GPC6: variants seen among roughly 807,000 people sequenced by gnomAD.
GPC6 encodes glypican 6.
In GPC6, 14 loss-of-function variants were observed where a neutral mutation model predicts 55.2. The ratio of observed to expected loss-of-function variants is 0.25; its 90% CI spans 0.17 to 0.40. GPC6 has a LOEUF of 0.40. GPC6 is among the 10% of genes least tolerant of loss of function. The pLI, the probability that GPC6 is intolerant of heterozygous loss-of-function variation, is 1.00. For missense variants in GPC6, 641 were observed against 708.5 expected, an observed-to-expected ratio of 0.90 and a Z score of 1.08; for synonymous variants, 278 against 259.6, an observed-to-expected ratio of 1.07 and a Z score of -0.68.
intron 3 of GPC6, among the ~76,000 whole-genome samples, chr13:93,931,238 A>G (rs746538079): frequency 1.3e-5 from 2 of 152,034 alleles, no homozygotes; most frequent in Non-Finnish European, 2.9e-5. Flanking sequence ...ATTTGCAGTG[A>G]AGGTGGGAGA....
At chr13:94,178,857 A>G (rs192373943) in intron 4 of GPC6, among the ~76,000 whole-genome samples, 15 of 152,288 alleles carry the variant, frequency 9.8e-5, no homozygotes, top group African/African-American at 3.6e-4. Flanking sequence ...ATGAATCTAA[A>G]CGGTTGGATG....
chr13:93,348,744 A>G (rs906131983), intron 1 of GPC6, among the ~76,000 whole-genome samples: 1 of 152,214 alleles, frequency 6.6e-6, no homozygotes, highest in Non-Finnish European at 1.5e-5. Context: ...GTTGGATAAA[A>G]CATTCTGTCA....
At chr13:93,968,002 A>G (rs1192905226) in intron 3 of GPC6, among the ~76,000 whole-genome samples, 2 of 152,170 alleles carry the variant, frequency 1.3e-5, no homozygotes, top group Admixed American at 1.3e-4. Context: ...CTTTCTAGAA[A>G]TGCTTATGAA....
chr13:93,346,236 A>G (rs971378686), intron 1 of GPC6, among the ~76,000 whole-genome samples: 3 of 152,184 alleles, frequency 2.0e-5, no homozygotes, highest in African/African-American at 7.2e-5. Flanking sequence ...ATGTCCATTT[A>G]CATTCATGCA....
chr13:94,194,637 C>T (rs1889506495), intron 4 of GPC6, among the ~76,000 whole-genome samples: 1 of 152,082 alleles, frequency 6.6e-6, no homozygotes, highest in Non-Finnish European at 1.5e-5. Context: ...TAAAAAACAA[C>T]AAATTGTATT....
intron 1 of GPC6, among the ~76,000 whole-genome samples, chr13:93,442,963 G>A (rs1219503257): frequency 6.6e-6 from 1 of 151,970 alleles, no homozygotes; most frequent in Non-Finnish European, 1.5e-5. Context: ...CTTGTCTTTT[G>A]AAGATTGCTT....
chr13:94,274,226 G>A (rs781285941), intron 4 of GPC6, among the ~76,000 whole-genome samples: 7 of 152,146 alleles, frequency 4.6e-5, no homozygotes, highest in Non-Finnish European at 7.3e-5. Context: ...ATTTTCTTCT[G>A]CAGTGTTATA....
intron 1 of GPC6, among the ~76,000 whole-genome samples, chr13:93,523,053 A>G (rs200702113): frequency 7.5e-6 from 1 of 133,466 alleles, no homozygotes; most frequent in East Asian, 2.0e-4. Flanking sequence ...ACACACACAC[A>G]TATGTGTATA....
At chr13:93,370,478 TCA>T (rs1881409854) in intron 1 of GPC6, among the ~76,000 whole-genome samples, 2 of 152,118 alleles carry the variant, frequency 1.3e-5, no homozygotes, top group Non-Finnish European at 2.9e-5. Context: ...GCTGGATTTC[TCA>T]GTTTCAAGTA....
At chr13:94,030,900 T>TA (rs1399051271) in intron 4 of GPC6, among the ~76,000 whole-genome samples, 1 of 152,208 alleles carries the variant, frequency 6.6e-6, no homozygotes, top group Non-Finnish European at 1.5e-5. Context: ...AGTGACTGTT[T>TA]AGAGTTCAGT....
intron 4 of GPC6, among the ~76,000 whole-genome samples, chr13:94,110,662 G>A (rs1418365625): frequency 6.6e-6 from 1 of 151,940 alleles, no homozygotes; most frequent in Non-Finnish European, 1.5e-5. Flanking sequence ...AAAACATTGA[G>A]GCTTGAAGTT....
chr13:94,259,878 G>T (rs899609840), intron 4 of GPC6, among the ~76,000 whole-genome samples: 2 of 152,080 alleles, frequency 1.3e-5, no homozygotes, highest in Admixed American at 1.3e-4. Flanking sequence ...TCTATTGTGT[G>T]TATACACACA....
intron 4 of GPC6, among the ~76,000 whole-genome samples, chr13:94,185,220 A>G (rs761547035): frequency 4.4e-4 from 67 of 150,860 alleles, no homozygotes; most frequent in Non-Finnish European, 8.1e-4. Flanking sequence ...CGGTATACCC[A>G]TGTGACAAAC....
At chr13:94,031,827 G>A (rs187530540) in intron 4 of GPC6, among the ~76,000 whole-genome samples, 133 of 152,300 alleles carry the variant, frequency 8.7e-4, no homozygotes, top group African/African-American at 2.9e-3. Context: ...TTTCACAAGA[G>A]GCCATGTTGC....
intron 3 of GPC6, among the ~76,000 whole-genome samples, chr13:93,945,653 G>A (rs368223994): frequency 7.2e-5 from 11 of 152,302 alleles, no homozygotes; most frequent in African/African-American, 2.6e-4. Context: ...TTGCTGCAGA[G>A]GTTGCAGTTT....
rs79098682 is a variant in GPC6, at chr13:94,364,706, T to C, written c.1153-17708T>C. Among the ~76,000 whole-genome samples the C allele has an allele frequency of 4.7e-3, 721 of 152,140 alleles. 16 individuals are homozygous for C. The East Asian group carries it at 0.073, about 15-fold the overall frequency. The stretch of plus-strand genomic sequence containing the variant: ...TTAAATCACTGTATGCCCAGGACCT[T>C]AAAAAGGCCCAGTACATTGTAGATA... On this transcript the variant is annotated intron_variant, in intron 6 of 8. Coordinates refer to ENST00000377047, the MANE Select transcript of GPC6 (RefSeq NM_005708.5).
chr13:93,553,972 TAAAA>T (rs35301097), intron 2 of GPC6, among the ~76,000 whole-genome samples: 8 of 134,122 alleles, frequency 6.0e-5, no homozygotes, highest in Admixed American at 7.5e-5. Context: ...CCGTCTCTAC[TAAAA>T]AAAAAAAAAA....
At chr13:94,010,545 A>G (rs1450620171) in intron 3 of GPC6, among the ~76,000 whole-genome samples, 1 of 152,158 alleles carries the variant, frequency 6.6e-6, no homozygotes, top group Non-Finnish European at 1.5e-5. Flanking sequence ...GGGTGAGGGG[A>G]TAATTCTTTT....
chr13:94,368,659 A>G (rs1029739897), intron 6 of GPC6, among the ~76,000 whole-genome samples: 1 of 152,082 alleles, frequency 6.6e-6, no homozygotes, highest in African/African-American at 2.4e-5. Context: ...GTCAGAAAAA[A>G]AAAATATTCT....
Sources: gnomAD v4.1 joint callset for allele counts (sites outside exome capture counted in the v4.1 genomes callset) on GRCh38, gnomAD v4.1.1 for gene constraint, MANE v1.5 for transcripts, NCBI Gene and HGNC (gene_info 2026-07-23, HGNC 2026-07-21) for gene names.